The following ZNF618 variants were observed in gnomAD, a reference collection of about 807,000 sequenced individuals.
ZNF618 encodes neural precursor cell expressed, developmentally down-regulated 10.
In ZNF618, 34 loss-of-function variants were observed where a neutral mutation model predicts 103.0. The observed-to-expected ratio is 0.33, with a 90% CI of 0.25 to 0.44. ZNF618 has a LOEUF of 0.44. Ranked by LOEUF, ZNF618 falls within the 20% of genes least tolerant of loss-of-function variation. The probability of loss-of-function intolerance (pLI) is 1.00; values close to 1 mark genes in which losing one functional copy is unlikely to be tolerated. For synonymous variants in ZNF618, 551 were observed against 542.2 expected, an observed-to-expected ratio of 1.02 and a Z score of -0.23; for missense variants, 1,059 against 1,295.4, an observed-to-expected ratio of 0.82 and a Z score of 2.80.
intron 1 of ZNF618, among the ~76,000 whole-genome samples, chr9:113,967,397 G>A (rs897957735): frequency 6.6e-6 from 1 of 152,066 alleles, no homozygotes; most frequent in Non-Finnish European, 1.5e-5. Context: ...ATAATACATG[G>A]GCAGCTCATT....
At chr9:113,917,599 C>T (rs1030454115) in intron 1 of ZNF618, among the ~76,000 whole-genome samples, 1 of 152,066 alleles carries the variant, frequency 6.6e-6, no homozygotes, top group Non-Finnish European at 1.5e-5. Context: ...CTCCCCATTC[C>T]ATCCTCCTTT....
At chr9:113,893,285 CCT>C (rs1362567996) in intron 1 of ZNF618, among the ~76,000 whole-genome samples, 3 of 152,198 alleles carry the variant, frequency 2.0e-5, no homozygotes, top group East Asian at 1.9e-4. Flanking sequence ...AGTATCTTTC[CCT>C]AGGGACTATA....
chr9:113,894,813 G>A (rs1587960179), intron 1 of ZNF618, among the ~76,000 whole-genome samples: 1 of 152,134 alleles, frequency 6.6e-6, no homozygotes, highest in South Asian at 2.1e-4. Context: ...TTAAGTTAGT[G>A]GATAATTTAT....
At chr9:113,986,248 T>TA (rs1839467057) in intron 2 of ZNF618, among the ~76,000 whole-genome samples, 1 of 152,176 alleles carries the variant, frequency 6.6e-6, no homozygotes, top group African/African-American at 2.4e-5. Context: ...GCTCAGAGGT[T>TA]AGGTGGCTGG....
chr9:113,912,304 C>G (rs1831625930), intron 1 of ZNF618, among the ~76,000 whole-genome samples: 1 of 152,264 alleles, frequency 6.6e-6, no homozygotes, highest in Non-Finnish European at 1.5e-5. Flanking sequence ...GGGATCTCCT[C>G]CATTTAAATT....
At chr9:113,896,935 T>A (rs1830083907) in intron 1 of ZNF618, among the ~76,000 whole-genome samples, 1 of 152,152 alleles carries the variant, frequency 6.6e-6, no homozygotes, top group African/African-American at 2.4e-5. Context: ...TTCCTGCTTT[T>A]ACCTTTAATT....
chr9:113,988,690 C>T (rs1839727836), intron 3 of ZNF618, 110 bp downstream of exon 3: 3 of 1,414,914 alleles, frequency 2.1e-6, no homozygotes, highest in Middle Eastern at 2.5e-4. Context: ...CTGAGAGAAC[C>T]TTTGCTGGCT....
chr9:114,041,277 T>C (rs1398285765), intron 13 of ZNF618, among the ~76,000 whole-genome samples: 5 of 152,222 alleles, frequency 3.3e-5, no homozygotes, highest in Non-Finnish European at 7.4e-5. Flanking sequence ...ATTCTGTAGG[T>C]TGCCTATTCA....
chr9:114,050,329 C>CGTGT lies in ZNF618; in HGVS notation c.*163_*166dup. On this transcript the variant is annotated 3_prime_UTR_variant, in exon 15 of 15. Transcript: ENST00000374126. ...TGCTTTTTTTATATGTGTGTGTGTG[C>CGTGT]GTGTATGTACACAGCCACACGTGTG... 2 of 770,466 alleles carry CGTGT rather than the reference C, an allele frequency of 2.6e-6. No homozygotes were observed. The highest frequency in any genetic ancestry group is 2.0e-6 in the Non-Finnish European group (1 of 502,278). 47.7% of individuals were successfully genotyped at this position (770,466 alleles called of 1,614,324 possible).
chr9:113,935,861 G>A (rs1160431579), intron 1 of ZNF618, among the ~76,000 whole-genome samples: 2 of 152,184 alleles, frequency 1.3e-5, no homozygotes, highest in Non-Finnish European at 2.9e-5. Flanking sequence ...GGGGCCTAGG[G>A]CAGGAGATCA....
rs1005590834 is a variant in ZNF618 at position 114,030,277 on chromosome 9, G to T, written c.1084+1305G>T. On this transcript the variant is annotated intron_variant, in intron 11 of 14. Transcript: ENST00000374126. ...TCAGCCTTGAAGGTTTGAAGGTCAT[G>T]GTTTTTCAGGTACCGTGTTGAGAAA... Among the ~76,000 whole-genome samples, 5 of 152,210 alleles carry T rather than the reference G, an allele frequency of 3.3e-5. No homozygotes were observed. In the East Asian group the frequency reaches 9.6e-4, roughly 29 times the overall value.
rs1841133463 is a variant in ZNF618 at position 114,000,906 on chromosome 9, G to A, written c.434-1090G>A. Among the ~76,000 whole-genome samples the A allele has an allele frequency of 2.0e-5, 3 of 152,206 alleles. No individual in the cohort carries two copies. In the South Asian group the frequency reaches 6.2e-4, roughly 31 times the overall value. On this transcript the variant is annotated intron_variant, in intron 4 of 14. Transcript: ENST00000374126. The stretch of plus-strand genomic sequence containing the variant: ...TCTGCCTCTCCCATCCCCAGATGCT[G>A]GGCACCAGAATTCCCTGGGGACCTT...
At chr9:113,934,490 A>T (rs969973583) in intron 1 of ZNF618, among the ~76,000 whole-genome samples, 2 of 152,206 alleles carry the variant, frequency 1.3e-5, no homozygotes, top group Non-Finnish European at 2.9e-5. Flanking sequence ...AACGCGCTGA[A>T]GCCCGTGTTC....
At chr9:113,977,086 G>T (rs1838545598) in intron 2 of ZNF618, among the ~76,000 whole-genome samples, 1 of 152,184 alleles carries the variant, frequency 6.6e-6, no homozygotes, top group South Asian at 2.1e-4. Flanking sequence ...TGGGGTGTTG[G>T]GGCAAGAGCT....
At position 114,007,381 on chromosome 9, in the gene ZNF618, G is replaced by T. The variant is rs750223394; in HGVS notation, c.582G>T (p.Gly194=). ...TCAGGTACACATGTGATATCTGCGG[G>T]AAGAAGTACAAATACTACAGCTGTT... ...NNFRYTCDIC[G]KKYKYYSCFQ... is the part of the protein sequence containing the mutation. Residue 194 remains glycine, a synonymous_variant, in exon 7 of 15, where the codon GGG becomes GGT. Transcript: ENST00000374126. 18 of 1,613,832 alleles carry T rather than the reference G, an allele frequency of 1.1e-5. No individual in the cohort carries two copies. The Admixed American group carries it at 3.0e-4, about 27-fold the overall frequency.
intron 13 of ZNF618, among the ~76,000 whole-genome samples, chr9:114,038,114 A>G (rs145875780): frequency 9.8e-4 from 149 of 152,342 alleles, no homozygotes; most frequent in African/African-American, 3.4e-3. Flanking sequence ...GGCTAGGGAC[A>G]GCAGTTGGCA....
intron 13 of ZNF618, among the ~76,000 whole-genome samples, chr9:114,037,737 GTC>G (rs2134375040): frequency 6.6e-6 from 1 of 152,344 alleles, no homozygotes; most frequent in Admixed American, 6.5e-5. Context: ...TGTTAGCGTA[GTC>G]TCTATCATTC....
Position 114,050,371 on chromosome 9 carries a change from C to A in ZNF618, c.*204C>A. ...ACACGTGTGTGCACGTGTCTGAACA[C>A]GTGCTGTGGTTGTGGGGGTGTGGGG... On this transcript the variant is annotated 3_prime_UTR_variant, in exon 15 of 15. Transcript: ENST00000374126. 1.8e-6 allele frequency: 1 copy of A among 569,294 alleles called. No homozygotes were observed. The highest frequency in any genetic ancestry group is 2.9e-6 in the Non-Finnish European group (1 of 346,226). 35.3% of individuals were successfully genotyped at this position (569,294 alleles called of 1,614,324 possible). A position where few individuals can be genotyped will look rare whatever the true frequency, so the allele number is the denominator to read the frequency against.
intron 2 of ZNF618, among the ~76,000 whole-genome samples, chr9:113,985,031 G>A (rs965292181): frequency 1.3e-5 from 2 of 152,072 alleles, no homozygotes; most frequent in African/African-American, 4.8e-5. Context: ...TCCCCTGCCC[G>A]CCATAAAAAA....
Sources: allele counts gnomAD v4.1 joint callset (sites outside exome capture counted in the v4.1 genomes callset), GRCh38; gene constraint gnomAD v4.1.1; transcripts MANE v1.5; gene names NCBI Gene and HGNC (gene_info 2026-07-23, HGNC 2026-07-21).